The following REV1 variants were observed in gnomAD, a reference collection of about 807,000 sequenced individuals.
The protein encoded by REV1 is REV1 DNA directed polymerase, also known as translesion synthesis protein REV1.
Under a neutral mutation model 137.4 loss-of-function variants are expected in REV1, and 42 were observed. The ratio of observed to expected loss-of-function variants is 0.31; its 90% CI spans 0.24 to 0.40. The LOEUF (loss-of-function observed/expected upper bound fraction) is 0.40, where lower values mean the gene tolerates loss of function less well. REV1 is among the 10% of genes least tolerant of loss of function. The pLI, the probability that REV1 is intolerant of heterozygous loss-of-function variation, is 1.00. For missense variants in REV1, 1,282 were observed against 1,490.1 expected, an observed-to-expected ratio of 0.86 and a Z score of 2.30; for synonymous variants, 524 against 519.2, an observed-to-expected ratio of 1.01 and a Z score of -0.12.
At chr2:99,416,847 A>G (rs1677930479) in intron 12 of REV1, among the ~76,000 whole-genome samples, 1 of 144,716 alleles carries the variant, frequency 6.9e-6, no homozygotes, top group African/African-American at 2.6e-5. Flanking sequence ...CAGAAGGCAG[A>G]GCTTGCAGTG....
Position 99,404,571 on chromosome 2 carries a change from G to A in REV1, c.2918C>T (p.Pro973Leu), listed in dbSNP as rs968924592. Residue 973 changes from proline (P) to leucine (L), a missense_variant, in exon 18 of 23, where the codon CCA becomes CTA. Physicochemically the swap from Pro to Leu is moderately conservative, Grantham distance 98. This residue lies in a region of REV1 where 135 missense variants were observed against 123.3 expected (regional missense o/e 1.10). Transcript: ENST00000258428. ...AATTCCTGTATTACAGCCATTTACT[G>A]GTTCTTTCTTTTTGTCGCCATGTGA... ...AESHGDKKKEPVNGCNTGILP... is the reference protein window; with the variant it reads ...AESHGDKKKELVNGCNTGILP... 6.2e-7 allele frequency: 1 copy of A among 1,614,026 alleles called. No homozygotes were observed. The highest frequency in any genetic ancestry group is 8.5e-7 in the Non-Finnish European group (1 of 1,179,976).
chr2:99,424,371 A>C (rs569562049), intron 9 of REV1, 91 bp from the exon 10 acceptor site: 37 of 1,309,634 alleles, frequency 2.8e-5, no homozygotes, highest in Non-Finnish European at 3.8e-5. Flanking sequence ...CCATGCCACT[A>C]ATTTATAATT....
At chr2:99,469,379 G>A (rs928805479) in intron 1 of REV1, among the ~76,000 whole-genome samples, 64 of 152,178 alleles carry the variant, frequency 4.2e-4, no homozygotes, top group Admixed American at 2.8e-3. Flanking sequence ...AGTCACATGT[G>A]GAAATCTCCC....
intron 22 of REV1, among the ~76,000 whole-genome samples, chr2:99,401,730 G>C (rs929723338): frequency 6.6e-6 from 1 of 152,174 alleles, no homozygotes; most frequent in South Asian, 2.1e-4. Context: ...CTGGGCGACA[G>C]AGTGAGACTC....
At chr2:99,450,314 A>G (rs1214215281) in intron 3 of REV1, among the ~76,000 whole-genome samples, 1 of 152,212 alleles carries the variant, frequency 6.6e-6, no homozygotes, top group Non-Finnish European at 1.5e-5. Context: ...CACTAAAGTC[A>G]TATTATGGCC....
chr2:99,424,711 A>G, intron 9 of REV1: 1 of 1,264,568 alleles, frequency 7.9e-7, no homozygotes, highest in Non-Finnish European at 1.0e-6. Flanking sequence ...AAGAATATAA[A>G]CAAAAGAACT....
At chr2:99,473,003 CTA>C (rs1685584149) in intron 1 of REV1, among the ~76,000 whole-genome samples, 1 of 152,094 alleles carries the variant, frequency 6.6e-6, no homozygotes, top group African/African-American at 2.4e-5. Context: ...TGTACGGGCA[CTA>C]CAGACATGCA....
At chr2:99,439,792 A>G (rs1681243869) in intron 5 of REV1, among the ~76,000 whole-genome samples, 1 of 152,168 alleles carries the variant, frequency 6.6e-6, no homozygotes, top group Admixed American at 6.5e-5. Context: ...TATACTACAA[A>G]TAACTTTCAT....
At chr2:99,434,158 G>A (rs964408446) in intron 8 of REV1, among the ~76,000 whole-genome samples, 174 bp downstream of exon 8, 13 of 152,110 alleles carry the variant, frequency 8.5e-5, no homozygotes, top group African/African-American at 3.1e-4. Context: ...CTCTACTTCA[G>A]GAAAATATCA....
intron 1 of REV1, among the ~76,000 whole-genome samples, chr2:99,482,914 G>C (rs534387212): frequency 2.6e-5 from 4 of 151,870 alleles, no homozygotes; most frequent in Non-Finnish European, 5.9e-5. Flanking sequence ...CCACTTGGGA[G>C]GCTGAGGCAG....
chr2:99,402,531 C>A, intron 21 of REV1, 113 bp downstream of exon 21: 1 of 1,123,680 alleles, frequency 8.9e-7, no homozygotes, highest in Non-Finnish European at 1.3e-6. Context: ...CTGCTTTAAG[C>A]TTATCAGAGT....
intron 1 of REV1, among the ~76,000 whole-genome samples, chr2:99,483,626 A>G (rs1686843853): frequency 6.6e-6 from 1 of 152,238 alleles, no homozygotes; most frequent in South Asian, 2.1e-4. Flanking sequence ...ATTATAATAG[A>G]GGACAAAATT....
intron 3 of REV1, among the ~76,000 whole-genome samples, chr2:99,459,009 C>T (rs1228271431): frequency 6.6e-6 from 1 of 151,988 alleles, no homozygotes; most frequent in Non-Finnish European, 1.5e-5. Flanking sequence ...GAGATCAAGA[C>T]CATACTGGCT....
intron 11 of REV1, among the ~76,000 whole-genome samples, chr2:99,421,038 G>A (rs911306324): frequency 6.6e-6 from 1 of 152,170 alleles, no homozygotes; most frequent in African/African-American, 2.4e-5. Context: ...CAGCATGGAT[G>A]GAGATGGAGG....
chr2:99,424,597 C>T (rs1679099697), intron 9 of REV1: 4 of 469,958 alleles, frequency 8.5e-6, no homozygotes, highest in Non-Finnish European at 1.4e-5. Flanking sequence ...ATGCCATATG[C>T]TGGTGATATC....
At chr2:99,481,209 GAATA>G (rs1686570834) in intron 1 of REV1, among the ~76,000 whole-genome samples, 1 of 151,980 alleles carries the variant, frequency 6.6e-6, no homozygotes, top group Non-Finnish European at 1.5e-5. Flanking sequence ...AATAACTAAT[GAATA>G]ATTACGTACA....
At chr2:99,440,910 T>G (rs1681408189) in intron 5 of REV1, among the ~76,000 whole-genome samples, 1 of 152,226 alleles carries the variant, frequency 6.6e-6, no homozygotes, top group South Asian at 2.1e-4. Context: ...CTTGCTGTAC[T>G]ATAGTTTCTC....
In REV1 at chr2:99,449,446, T is replaced by C. The variant is rs148608059; in HGVS notation, c.240A>G (p.Val80=). ...GTGTTGTTTTAGATCTGGAATAATA[T>C]ACATGGTATTGACCTCCATGCAACA... ...LMMLHGGQYH[V]YYSRSKTTHI... The change falls in exon 4 of 23, where the codon GTA becomes GTG. Residue 80 remains valine (V), a synonymous_variant. Coordinates refer to ENST00000258428, the MANE Select transcript of REV1 (RefSeq NM_016316.4). 2.9e-4 allele frequency: 456 copies of C among 1,566,828 alleles called. 1 individual carries two copies. Among genetic ancestry groups the C allele is most frequent in the Middle Eastern group, 5.0e-4 (3 of 5,944 alleles).
chr2:99,404,346 C>A, intron 18 of REV1, 98 bp downstream of exon 18: 15 of 585,318 alleles, frequency 2.6e-5, no homozygotes, highest in African/African-American at 5.8e-5. Flanking sequence ...GATGTGGTGT[C>A]AGATACAGAG....
Sources: allele counts gnomAD v4.1 joint callset (sites outside exome capture counted in the v4.1 genomes callset), GRCh38; gene constraint gnomAD v4.1.1; regional missense constraint gnomAD v4.1.1; transcripts MANE v1.5; gene names NCBI Gene and HGNC (gene_info 2026-07-23, HGNC 2026-07-21).